Variants in RMST observed in about 807,000 individuals in gnomAD.
RMST encodes rhabdomyosarcoma 2 associated transcript.
chr12:97,540,122 A>G (rs1186516944), intron 11 of RMST, among the ~76,000 whole-genome samples: 1 of 151,684 alleles, frequency 6.6e-6, no homozygotes, highest in Non-Finnish European at 1.5e-5. Context: ...TTGTAGGCGC[A>G]TTGAGGGAAA....
At chr12:97,514,616 T>G (rs1879748221) in intron 10 of RMST, among the ~76,000 whole-genome samples, 1 of 152,190 alleles carries the variant, frequency 6.6e-6, no homozygotes, top group South Asian at 2.1e-4. Context: ...AAGCTAAATT[T>G]AGCTAACAAT....
At chr12:97,525,451 A>T (rs1041704628) in intron 10 of RMST, among the ~76,000 whole-genome samples, 1 of 152,180 alleles carries the variant, frequency 6.6e-6, no homozygotes, top group African/African-American at 2.4e-5. Context: ...TTCAAGTAGG[A>T]ATAATGACTC....
intron 11 of RMST, among the ~76,000 whole-genome samples, chr12:97,531,475 CT>C (rs1315533470): frequency 6.6e-6 from 1 of 151,912 alleles, no homozygotes; most frequent in Non-Finnish European, 1.5e-5. Context: ...CTGTGATTTG[CT>C]TTGCTTGATT....
chr12:97,555,649 T>G (rs563062678), intron 11 of RMST, among the ~76,000 whole-genome samples: 2 of 152,328 alleles, frequency 1.3e-5, no homozygotes, highest in South Asian at 4.1e-4. Flanking sequence ...AGATTTTCAT[T>G]TATAAGATTG....
At chr12:97,514,898 T>C (rs902836421) in intron 10 of RMST, among the ~76,000 whole-genome samples, 1 of 152,146 alleles carries the variant, frequency 6.6e-6, no homozygotes, top group Non-Finnish European at 1.5e-5. Flanking sequence ...ACAAACACTG[T>C]CAAGAATTAA....
chr12:97,468,802 T>C (rs1873525901), intron 5 of RMST, among the ~76,000 whole-genome samples: 1 of 152,038 alleles, frequency 6.6e-6, no homozygotes, highest in African/African-American at 2.4e-5. Flanking sequence ...AAATGAATTA[T>C]TTTAAAAATC....
At chr12:97,491,832 C>A (rs940943801) in intron 5 of RMST, 3 of 474,898 alleles carry the variant, frequency 6.3e-6, no homozygotes, top group South Asian at 1.5e-5. Flanking sequence ...GGGTCATTTT[C>A]ATCAAATGTT....
chr12:97,529,222 C>T (rs1427871256), intron 10 of RMST, among the ~76,000 whole-genome samples: 1 of 152,036 alleles, frequency 6.6e-6, no homozygotes. Context: ...ATCATCTCAT[C>T]CTCATTTTTA....
rs555134041 is a variant in RMST at position 97,553,242 on chromosome 12, T to A, written n.1546-7295T>A. Among the ~76,000 whole-genome samples, 139 of 150,636 alleles carry A rather than the reference T, an allele frequency of 9.2e-4. 1 individual carries two copies. The highest frequency in any genetic ancestry group is 8.0e-4 in the Non-Finnish European group (54 of 67,650). Reference sequence around the variant, plus strand: ...TGATAATAACAAAATAGCGATACATTTTACCTTTTAAAGTTGTGTTTGGAG... The same window carrying A: ...TGATAATAACAAAATAGCGATACATATTACCTTTTAAAGTTGTGTTTGGAG... On this transcript the variant is annotated intron_variant and non_coding_transcript_variant, in intron 11 of 13. Coordinates refer to ENST00000640149, the Ensembl canonical transcript of RMST.
chr12:97,520,621 G>A (rs1880414159), intron 10 of RMST, among the ~76,000 whole-genome samples: 1 of 152,000 alleles, frequency 6.6e-6, no homozygotes, highest in Non-Finnish European at 1.5e-5. Flanking sequence ...TGGCATGCAT[G>A]ATAAACTTTC....
In RMST at chr12:97,507,139, C is replaced by A. The variant is rs1878773561; in HGVS notation, n.1340+11083C>A. On this transcript the variant is annotated intron_variant and non_coding_transcript_variant, in intron 10 of 13. Coordinates refer to ENST00000640149, the Ensembl canonical transcript of RMST. ...TGTGATGAGACCAGGTGGTGATGGA[C>A]TGAATATAAAGCAAAGACATCTGGA... Among the ~76,000 whole-genome samples, 4 of 152,112 alleles carry A rather than the reference C, an allele frequency of 2.6e-5. 1 individual carries two copies. The South Asian group carries it at 8.3e-4, about 32-fold the overall frequency.
intron 10 of RMST, among the ~76,000 whole-genome samples, chr12:97,512,822 G>A (rs148934402): frequency 6.6e-5 from 10 of 151,566 alleles, no homozygotes; most frequent in African/African-American, 2.2e-4. Context: ...GGGACTGGGC[G>A]CAGTGGAGCA....
intron 13 of RMST, among the ~76,000 whole-genome samples, chr12:97,561,778 A>G (rs1884130415): frequency 6.6e-6 from 1 of 151,650 alleles, no homozygotes. Flanking sequence ...TCTAAAGATC[A>G]GGTCCAGGAA....
intron 10 of RMST, among the ~76,000 whole-genome samples, chr12:97,522,584 G>A (rs534788187): frequency 6.6e-6 from 1 of 152,158 alleles, no homozygotes; most frequent in East Asian, 1.9e-4. Flanking sequence ...AATTGCCCAA[G>A]GCCGTGTTAC....
chr12:97,522,699 C>T (rs1003507058), intron 10 of RMST, among the ~76,000 whole-genome samples: 3 of 151,984 alleles, frequency 2.0e-5, no homozygotes, highest in Non-Finnish European at 4.4e-5. Flanking sequence ...AATACAAATG[C>T]ATTTCATGTT....
At chr12:97,524,078 A>AAAAAAAAAAAAAAAAAAAAAAAAAAC (rs1880836451) in intron 10 of RMST, among the ~76,000 whole-genome samples, 1 of 116,788 alleles carries the variant, frequency 8.6e-6, no homozygotes, top group Non-Finnish European at 1.8e-5. Flanking sequence ...TCTGTCTCAA[A>AAAAAAAAAAAAAAAAAAAAAAAAAAC]AAAAAAAAAA....
intron 10 of RMST, among the ~76,000 whole-genome samples, chr12:97,504,261 A>C (rs1878417635): frequency 1.3e-5 from 2 of 152,088 alleles, no homozygotes; most frequent in African/African-American, 4.8e-5. Context: ...AAAATTAGCC[A>C]GGCCTGGTAG....
intron 5 of RMST, among the ~76,000 whole-genome samples, chr12:97,466,814 G>A (rs79621919): frequency 0.043 from 6,586 of 152,112 alleles, 173 homozygotes; most frequent in Non-Finnish European, 0.064. Flanking sequence ...TTATCCTTAT[G>A]TAAAAGTTAT....
chr12:97,554,897 G>A (rs1883586539), intron 11 of RMST, among the ~76,000 whole-genome samples: 1 of 152,154 alleles, frequency 6.6e-6, no homozygotes, highest in Non-Finnish European at 1.5e-5. Context: ...GAGCTTCCAG[G>A]ACATCTTCAT....
Sources: allele counts gnomAD v4.1 joint callset (sites outside exome capture counted in the v4.1 genomes callset), GRCh38; gene constraint gnomAD v4.1.1; transcripts MANE v1.5; gene names NCBI Gene and HGNC (gene_info 2026-07-23, HGNC 2026-07-21).